The following CACNA2D3 variants were observed in gnomAD, a reference collection of about 807,000 sequenced individuals.
CACNA2D3 encodes voltage-dependent calcium channel subunit alpha-2/delta-3.
Under a neutral mutation model 160.6 loss-of-function variants are expected in CACNA2D3, and 60 were observed. The ratio of observed to expected loss-of-function variants is 0.37; its 90% confidence interval spans 0.30 to 0.46. The LOEUF is 0.46. Ranked by LOEUF, CACNA2D3 falls within the 20% of genes least tolerant of loss-of-function variation. CACNA2D3 has a pLI of 1.00. For synonymous variants in CACNA2D3, 558 were observed against 492.9 expected (o/e 1.13, Z -1.75); for missense variants, 1,205 against 1,365.0 (o/e 0.88, Z 1.85).
intron 14 of CACNA2D3, among the ~76,000 whole-genome samples, chr3:54,827,296 T>C (rs1364162499): frequency 1.3e-5 from 2 of 152,242 alleles, no homozygotes; most frequent in Non-Finnish European, 2.9e-5. Context: ...GCTACGTAGA[T>C]GCAAAACATT....
At chr3:54,339,625 G>A (rs1404778006) in intron 3 of CACNA2D3, among the ~76,000 whole-genome samples, 1 of 152,148 alleles carries the variant, frequency 6.6e-6, no homozygotes, top group African/African-American at 2.4e-5. Flanking sequence ...GGAAGTTCAT[G>A]GAATGAGTGA....
intron 31 of CACNA2D3, 63 bp from the exon 32 acceptor site, chr3:55,004,700 T>C (rs916851364): frequency 7.5e-6 from 8 of 1,067,868 alleles, no homozygotes; most frequent in Non-Finnish European, 1.2e-5. Context: ...TTGTAGTACA[T>C]AGCATCAATT....
At chr3:54,145,408 A>G (rs1341841090) in intron 2 of CACNA2D3, among the ~76,000 whole-genome samples, 1 of 152,198 alleles carries the variant, frequency 6.6e-6, no homozygotes, top group Non-Finnish European at 1.5e-5. Context: ...CAAGCTCTTT[A>G]CTGCTAGCTT....
chr3:54,707,042 C>A (rs1034733204), intron 11 of CACNA2D3, among the ~76,000 whole-genome samples: 1 of 152,196 alleles, frequency 6.6e-6, no homozygotes, highest in African/African-American at 2.4e-5. Flanking sequence ...GCCTCCTTTA[C>A]AAAATCCTTA....
intron 4 of CACNA2D3, among the ~76,000 whole-genome samples, chr3:54,426,686 G>C (rs1699916566): frequency 6.6e-6 from 1 of 152,180 alleles, no homozygotes; most frequent in Admixed American, 6.5e-5. Flanking sequence ...CACAAATAGA[G>C]GATAGATGCT....
chr3:54,816,890 A>C lies in CACNA2D3; in HGVS notation c.1398+20A>C, dbSNP rs775281353. 1 of 1,613,548 alleles carries C rather than the reference A, an allele frequency of 6.2e-7. No individual in the cohort carries two copies. Among genetic ancestry groups the C allele is most frequent in the African/African-American group, 1.3e-5 (1 of 75,004 alleles). On this transcript the variant is annotated intron_variant, in intron 14 of 37. Coordinates refer to ENST00000474759, the MANE Select transcript of CACNA2D3 (RefSeq NM_018398.3). Reference sequence around the variant, plus strand: ...CAAAAGGTAAATTCTCTTCTGTCACATTCCAGTCACCCCCAGAACTCACGA... The same window carrying C: ...CAAAAGGTAAATTCTCTTCTGTCACCTTCCAGTCACCCCCAGAACTCACGA...
At position 54,883,823 on chromosome 3, in the gene CACNA2D3, C is replaced by CTCTCTCT. The variant is rs60132112; in HGVS notation, c.1913-1458_1913-1457insTCTCTCT. 3.0e-3 allele frequency among the ~76,000 whole-genome samples: 269 copies of CTCTCTCT among 88,838 alleles called. 2 individuals carry two copies. Among genetic ancestry groups the CTCTCTCT allele is most frequent in the East Asian group, 8.8e-3 (10 of 1,142 alleles). The allele number at this position is 88,838 out of a possible 152,430, so 58.3% of individuals were successfully genotyped here. A position where few individuals can be genotyped will look rare whatever the true frequency, so the allele number is the denominator to read the frequency against. ...AATCTCTCTCTCTCTCTCTCTCTCT[C>CTCTCTCT]CTCTCTCTCCCTTCAACCCTCCTTA... On this transcript the variant is annotated intron_variant, in intron 21 of 37. Transcript: ENST00000474759.
chr3:54,819,670 C>T (rs1703539610), intron 14 of CACNA2D3, among the ~76,000 whole-genome samples: 1 of 152,150 alleles, frequency 6.6e-6, no homozygotes, highest in African/African-American at 2.4e-5. Flanking sequence ...CATGGTGAAA[C>T]CACGTCTCTT....
At chr3:54,734,227 A>G (rs915859214) in intron 11 of CACNA2D3, among the ~76,000 whole-genome samples, 1 of 152,206 alleles carries the variant, frequency 6.6e-6, no homozygotes, top group Non-Finnish European at 1.5e-5. Flanking sequence ...AAACTGTTGC[A>G]TGCTGAGGAC....
rs984505313 is a variant in CACNA2D3, at chr3:54,174,673, C to G, written c.204+51079C>G. On this transcript the variant is annotated intron_variant, in intron 2 of 37. Coordinates refer to ENST00000474759, the MANE Select transcript of CACNA2D3 (RefSeq NM_018398.3). ...CTGAGTAGCTGGGACTACAGGCGCC[C>G]GCCACCACGCCTGGCTAATTTTTAG... Among the ~76,000 whole-genome samples, 4 of 152,212 alleles carry G rather than the reference C, an allele frequency of 2.6e-5. No homozygotes were observed. The East Asian group carries it at 7.7e-4, about 29-fold the overall frequency.
chr3:54,238,328 A>G (rs900298918), intron 2 of CACNA2D3, among the ~76,000 whole-genome samples: 1 of 152,192 alleles, frequency 6.6e-6, no homozygotes, highest in African/African-American at 2.4e-5. Flanking sequence ...TCACCTGTGC[A>G]TATTAAGGAG....
At chr3:54,823,337 A>G (rs539080916) in intron 14 of CACNA2D3, among the ~76,000 whole-genome samples, 71 of 150,100 alleles carry the variant, frequency 4.7e-4, no homozygotes, top group Non-Finnish European at 8.4e-4. Context: ...ATTATTCAGG[A>G]AAAAAACAAA....
chr3:54,972,350 C>T (rs1257877309), intron 29 of CACNA2D3, among the ~76,000 whole-genome samples: 5 of 152,172 alleles, frequency 3.3e-5, no homozygotes, highest in Non-Finnish European at 4.4e-5. Flanking sequence ...TTCCAGGCAA[C>T]CAATTGACAC....
At chr3:54,134,922 C>T (rs999648764) in intron 2 of CACNA2D3, among the ~76,000 whole-genome samples, 13 of 152,342 alleles carry the variant, frequency 8.5e-5, no homozygotes, top group African/African-American at 2.4e-4. Context: ...GGCGGGTGCA[C>T]GAGGAGCACC....
At chr3:55,065,688 A>T (rs1704618884) in intron 35 of CACNA2D3, among the ~76,000 whole-genome samples, 1 of 147,780 alleles carries the variant, frequency 6.8e-6, no homozygotes, top group Admixed American at 6.9e-5. Context: ...GAGAGGAGGG[A>T]GAGGGAAGGA....
Position 54,891,151 on chromosome 3 carries a change from G to A in CACNA2D3, c.2151-204G>A, listed in dbSNP as rs1377034619. Among the ~76,000 whole-genome samples the A allele has an allele frequency of 2.6e-5, 4 of 150,966 alleles. No individual in the cohort carries two copies. In the South Asian group the frequency reaches 6.3e-4, roughly 24 times the overall value. ...TGCAAGTATTACTTTGAAAACTTTT[G>A]TAAGGGATACAAGTTGGCAATCTGT... On this transcript the variant is annotated intron_variant, in intron 24 of 37. Transcript: ENST00000474759.
intron 2 of CACNA2D3, among the ~76,000 whole-genome samples, chr3:54,287,161 G>A (rs1026173847): frequency 3.9e-5 from 6 of 152,226 alleles, no homozygotes; most frequent in South Asian, 2.1e-4. Context: ...AGACCCATCA[G>A]TGTGCTGTAT....
chr3:54,649,189 C>G (rs1307754467), intron 11 of CACNA2D3, among the ~76,000 whole-genome samples: 3 of 152,174 alleles, frequency 2.0e-5, no homozygotes, highest in East Asian at 3.9e-4. Context: ...GTGCTACCAT[C>G]AAGACTGGGA....
At position 54,864,208 on chromosome 3, in the gene CACNA2D3, A is replaced by T. The variant is rs117865179; in HGVS notation, c.1627-7331A>T. 4.3e-4 allele frequency among the ~76,000 whole-genome samples: 65 copies of T among 152,110 alleles called. No individual in the cohort carries two copies. The East Asian group carries it at 0.012, about 28-fold the overall frequency. ...ATGGATATTGGTGAAATTGAGTAAG[A>T]TATTGTAAGTTGGGCATCAGCATAT... is the stretch of plus-strand genomic sequence containing the variant. On this transcript the variant is annotated intron_variant, in intron 17 of 37. Transcript: ENST00000474759.
Sources: gnomAD v4.1 joint callset for allele counts (sites outside exome capture counted in the v4.1 genomes callset) on GRCh38, gnomAD v4.1.1 for gene constraint, MANE v1.5 for transcripts, NCBI Gene and HGNC (gene_info 2026-07-23, HGNC 2026-07-21) for gene names.